RPF1: variants seen among roughly 807,000 people sequenced by gnomAD.
RPF1 encodes ribosome production factor 1.
Under a neutral mutation model 41.9 loss-of-function variants are expected in RPF1, and 34 were observed. The observed-to-expected ratio is 0.81, with a 90% CI of 0.62 to 1.08. RPF1 has a LOEUF of 1.08. Among genes scored for constraint, RPF1 ranks in the 50% least tolerant of loss-of-function variants. The pLI is 0.00. For synonymous variants in RPF1, 140 were observed against 148.9 expected, an observed-to-expected ratio of 0.94 and a Z score of 0.43; for missense variants, 425 against 435.2, an observed-to-expected ratio of 0.98 and a Z score of 0.21.
At chr1:84,490,203 A>G in intron 4 of RPF1, 116 bp from the exon 5 acceptor site, 2 of 662,774 alleles carry the variant, frequency 3.0e-6, no homozygotes, top group Non-Finnish European at 4.7e-6. Context: ...GCTTTCCTCA[A>G]TGTTGCTTTC....
chr1:84,481,545 G>A (rs191916566), intron 2 of RPF1, among the ~76,000 whole-genome samples: 137 of 152,280 alleles, frequency 9.0e-4, no homozygotes, highest in Middle Eastern at 3.4e-3. Context: ...TGGTACAGAG[G>A]ATATGAACCT....
chr1:84,480,136 ATAT>A (rs1353406637), intron 1 of RPF1, among the ~76,000 whole-genome samples: 2 of 152,140 alleles, frequency 1.3e-5, no homozygotes, highest in Admixed American at 6.5e-5. Context: ...AGTTCACACA[ATAT>A]TATTATTATG....
chr1:84,497,276 G>C (rs1346071224), intron 8 of RPF1, among the ~76,000 whole-genome samples, 153 bp from the exon 9 acceptor site: 1 of 151,752 alleles, frequency 6.6e-6, no homozygotes, highest in East Asian at 1.9e-4. Context: ...TTAGACCGAA[G>C]ACTGACTATT....
chr1:84,494,569 C>T (rs1363713806), intron 5 of RPF1, among the ~76,000 whole-genome samples: 2 of 152,158 alleles, frequency 1.3e-5, no homozygotes, highest in Non-Finnish European at 1.5e-5. Context: ...CCAAGAATTA[C>T]TCATGAAAAG....
At position 84,496,245 on chromosome 1, in the gene RPF1, TAC is replaced by T. The variant is rs1365648773; in HGVS notation, c.885_886del (p.Phe297GlnfsTer3). The T allele has an allele frequency of 6.2e-7, 1 of 1,610,856 alleles. No homozygotes were observed. The highest frequency in any genetic ancestry group is 1.3e-5 in the African/African-American group (1 of 74,770). ...RDYIFFRFHR[Y>X]IFRSEKKVGI... is the part of the protein sequence containing the mutation. ...ATTTAACTCTTTTTGTCTTTGAAGATACATATTCAGGAGTGAAAAGAAAGTGG... is the reference window on the plus strand; with the variant it reads ...ATTTAACTCTTTTTGTCTTTGAAGATATATTCAGGAGTGAAAAGAAAGTGG... On this transcript the variant is annotated frameshift_variant and splice_region_variant, in exon 8 of 9. Transcript: ENST00000370654. LOFTEE classifies it high-confidence loss of function.
Position 84,497,650 on chromosome 1 carries a change from A to G in RPF1, c.*180A>G. On this transcript the variant is annotated 3_prime_UTR_variant, in exon 9 of 9. Coordinates refer to ENST00000370654, the MANE Select transcript of RPF1 (RefSeq NM_025065.7). ...TGTGTTTATGTAGAAAATACAAATA[A>G]AAGTTATTTTGATGGCTTAGGTTTC... is the stretch of plus-strand genomic sequence containing the variant. The G allele has an allele frequency of 2.1e-6, 1 of 466,518 alleles. No individual in the cohort carries two copies. The highest frequency in any genetic ancestry group is 3.5e-5 in the East Asian group (1 of 28,364). The allele number at this position is 466,518 out of a possible 1,614,324, so 28.9% of individuals were successfully genotyped here.
At chr1:84,487,272 A>AG (rs1337920652) in intron 3 of RPF1, among the ~76,000 whole-genome samples, 2 of 152,216 alleles carry the variant, frequency 1.3e-5, no homozygotes, top group Non-Finnish European at 2.9e-5. Flanking sequence ...GTGGTACAAG[A>AG]GTAGTGTTCC....
chr1:84,479,481 T>A lies in RPF1; in HGVS notation c.200T>A (p.Phe67Tyr). 1 of 1,614,168 alleles carries A rather than the reference T, an allele frequency of 6.2e-7. No individual in the cohort carries two copies. The change falls in exon 1 of 9, where the codon TTC becomes TAC. Residue 67 changes from phenylalanine to tyrosine, a missense_variant. Phe to Tyr is a conservative substitution (Grantham distance 22). Coordinates refer to ENST00000370654, the MANE Select transcript of RPF1 (RefSeq NM_025065.7). ...AACAAACAGCGGCGACACTTAATGT[T>A]CACGCGGTGGAAACAGCAGCAGCGG... ...IKNKQRRHLM[F>Y]TRWKQQQRKE... is the part of the protein sequence containing the mutation.
intron 6 of RPF1, 58 bp from the exon 7 acceptor site, chr1:84,495,824 G>A: frequency 9.0e-7 from 1 of 1,106,576 alleles, no homozygotes; most frequent in Non-Finnish European, 1.3e-6. Context: ...AATTGCATTG[G>A]GACGTATTGC....
intron 4 of RPF1, 141 bp from the exon 5 acceptor site, chr1:84,490,178 C>T (rs1052491707): frequency 3.5e-6 from 2 of 573,782 alleles, no homozygotes; most frequent in Non-Finnish European, 5.9e-6. Context: ...AGAGGACACA[C>T]TGTTCGAGTT....
At chr1:84,497,254 A>G (rs1021531215) in intron 8 of RPF1, among the ~76,000 whole-genome samples, 175 bp from the exon 9 acceptor site, 1 of 151,600 alleles carries the variant, frequency 6.6e-6, no homozygotes, top group South Asian at 2.1e-4. Context: ...GTAACTGCCA[A>G]CATCTTTTAT....
chr1:84,489,574 A>G (rs1283968166), intron 3 of RPF1, 59 bp from the exon 4 acceptor site: 27 of 939,594 alleles, frequency 2.9e-5, no homozygotes, highest in Non-Finnish European at 4.5e-5. Flanking sequence ...CTACTTTTAG[A>G]ATTCTGGCCC....
intron 3 of RPF1, among the ~76,000 whole-genome samples, chr1:84,484,732 C>T (rs551634391): frequency 6.7e-6 from 1 of 150,014 alleles, no homozygotes; most frequent in South Asian, 2.1e-4. Context: ...GTTACCCAGG[C>T]TGGAGTGCAG....
At chr1:84,497,089 C>T (rs983599558) in intron 8 of RPF1, among the ~76,000 whole-genome samples, 4 of 151,698 alleles carry the variant, frequency 2.6e-5, no homozygotes, top group Non-Finnish European at 1.5e-5. Context: ...CCAGGATGGT[C>T]TTGATCTCCT....
chr1:84,493,759 A>G (rs1681880346), intron 5 of RPF1, among the ~76,000 whole-genome samples: 1 of 152,252 alleles, frequency 6.6e-6, no homozygotes, highest in African/African-American at 2.4e-5. Context: ...GAAGTAGACC[A>G]TAATAGATGA....
intron 5 of RPF1, among the ~76,000 whole-genome samples, chr1:84,492,706 A>G (rs1681857493): frequency 6.6e-6 from 1 of 152,196 alleles, no homozygotes. Context: ...CATTATTTCT[A>G]AATGGGGAAC....
intron 5 of RPF1, among the ~76,000 whole-genome samples, chr1:84,494,185 A>G (rs1036287989): frequency 6.6e-6 from 1 of 152,222 alleles, no homozygotes; most frequent in African/African-American, 2.4e-5. Flanking sequence ...ACCAACCACA[A>G]TACTACCTTA....
At chr1:84,496,435 G>T (rs1317764765) in intron 8 of RPF1, 65 bp downstream of exon 8, 9 of 1,422,036 alleles carry the variant, frequency 6.3e-6, no homozygotes, top group Non-Finnish European at 6.7e-6. Flanking sequence ...GGTGGGAGGA[G>T]AGAGAGCATC....
intron 1 of RPF1, 74 bp from the exon 2 acceptor site, chr1:84,480,882 T>C: frequency 2.5e-6 from 2 of 789,282 alleles, no homozygotes; most frequent in Non-Finnish European, 4.3e-6. Flanking sequence ...CATTAGTAAT[T>C]TGTAGTTTCA....
Sources: gnomAD v4.1 joint callset for allele counts (sites outside exome capture counted in the v4.1 genomes callset) on GRCh38, gnomAD v4.1.1 for gene constraint, MANE v1.5 for transcripts, NCBI Gene and HGNC (gene_info 2026-07-23, HGNC 2026-07-21) for gene names.